The following PEBP4 variants were observed in gnomAD, a reference collection of about 807,000 sequenced individuals.
PEBP4 encodes the protein phosphatidylethanolamine-binding protein 4.
PEBP4 carries 22 observed loss-of-function variants against 23.9 expected under a neutral mutation model. The observed-to-expected ratio is 0.92, with a 90% CI of 0.66 to 1.31. PEBP4 has a LOEUF of 1.31. Ranked by LOEUF, PEBP4 falls within the 40% of genes most tolerant of loss-of-function variation. The pLI, the probability that PEBP4 is intolerant of heterozygous loss-of-function variation, is 0.00. For missense variants in PEBP4, 324 were observed against 281.7 expected, an observed-to-expected ratio of 1.15 and a Z score of -1.07; for synonymous variants, 112 against 99.3, an observed-to-expected ratio of 1.13 and a Z score of -0.76.
At chr8:22,903,598 C>T (rs557337690) in intron 3 of PEBP4, among the ~76,000 whole-genome samples, 46 of 152,310 alleles carry the variant, frequency 3.0e-4, no homozygotes, top group African/African-American at 1.1e-3. Context: ...TCCATCTGGT[C>T]CCTGGGACAA....
intron 4 of PEBP4, among the ~76,000 whole-genome samples, chr8:22,736,445 A>T (rs913808841): frequency 1.3e-5 from 2 of 151,974 alleles, no homozygotes; most frequent in Non-Finnish European, 2.9e-5. Flanking sequence ...TTTCTACAAA[A>T]TATTAAAAAA....
intron 4 of PEBP4, among the ~76,000 whole-genome samples, chr8:22,735,060 C>T (rs1563198436): frequency 6.6e-6 from 1 of 152,130 alleles, no homozygotes; most frequent in Non-Finnish European, 1.5e-5. Context: ...GTATCTAGCA[C>T]AAAGCTGCCC....
At chr8:22,717,156 T>A (rs1001865874) in intron 6 of PEBP4, among the ~76,000 whole-genome samples, 1 of 152,100 alleles carries the variant, frequency 6.6e-6, no homozygotes, top group African/African-American at 2.4e-5. Flanking sequence ...TGCCTCAGCC[T>A]CCTGAGTAGC....
intron 3 of PEBP4, among the ~76,000 whole-genome samples, chr8:22,874,772 A>G (rs1172914850): frequency 6.6e-6 from 1 of 152,228 alleles, no homozygotes; most frequent in African/African-American, 2.4e-5. Flanking sequence ...TCTGTTCTGC[A>G]TGAATAAATA....
intron 4 of PEBP4, chr8:22,757,028 G>A (rs945128010): frequency 2.0e-5 from 3 of 152,230 alleles, no homozygotes; most frequent in Admixed American, 6.5e-5. Context: ...CACAGGTGGA[G>A]GACGTTTGCA....
Position 22,883,052 on chromosome 8 carries a change from T to G in PEBP4, c.258+37132A>C, listed in dbSNP as rs145677072. The stretch of plus-strand genomic sequence containing the variant: ...CCCCCTGCCTCTAGGGATCTGTGAT[T>G]ATAAAACTTCCTCCTTCATGAGAGC... On this transcript the variant is annotated intron_variant, in intron 3 of 6. Transcript: ENST00000256404. 2.7e-3 allele frequency among the ~76,000 whole-genome samples: 406 copies of G among 152,262 alleles called. 1 individual carries two copies. The highest frequency in any genetic ancestry group is 9.0e-3 in the African/African-American group (372 of 41,560).
chr8:22,776,918 A>G (rs1318800813), intron 4 of PEBP4, among the ~76,000 whole-genome samples: 1 of 151,600 alleles, frequency 6.6e-6, no homozygotes, highest in Non-Finnish European at 1.5e-5. Context: ...GGCCTGAAGG[A>G]TGGCATTGGG....
chr8:22,896,861 TTC>T (rs897911421), intron 3 of PEBP4, among the ~76,000 whole-genome samples: 1 of 151,734 alleles, frequency 6.6e-6, no homozygotes, highest in Non-Finnish European at 1.5e-5. Context: ...ACTTGATAGT[TTC>T]TCTCTCTCTT....
chr8:22,867,834 C>T (rs983998677), intron 3 of PEBP4, among the ~76,000 whole-genome samples: 4 of 152,210 alleles, frequency 2.6e-5, no homozygotes, highest in African/African-American at 9.6e-5. Flanking sequence ...CTTGCTTGGG[C>T]AGTTGACTGG....
At chr8:22,925,865 C>T (rs1167409509) in intron 2 of PEBP4, among the ~76,000 whole-genome samples, 1 of 152,230 alleles carries the variant, frequency 6.6e-6, no homozygotes, top group Non-Finnish European at 1.5e-5. Flanking sequence ...AGCCCCTCAG[C>T]TCACTCAGCA....
At chr8:22,882,821 A>T (rs1233343064) in intron 3 of PEBP4, among the ~76,000 whole-genome samples, 6 of 152,114 alleles carry the variant, frequency 3.9e-5, no homozygotes, top group Non-Finnish European at 8.8e-5. Context: ...CCACCTGCCC[A>T]AACCACCCCA....
At chr8:22,724,592 T>A (rs749550336) in intron 6 of PEBP4, among the ~76,000 whole-genome samples, 82 of 152,188 alleles carry the variant, frequency 5.4e-4, no homozygotes, top group Non-Finnish European at 8.7e-4. Context: ...GACCCTGCCT[T>A]ACATACCAAC....
chr8:22,740,484 C>T (rs527384290), intron 4 of PEBP4, among the ~76,000 whole-genome samples: 4 of 152,322 alleles, frequency 2.6e-5, no homozygotes, highest in East Asian at 1.9e-4. Flanking sequence ...GAACCTGAGG[C>T]GACTTCTACG....
chr8:22,728,985 C>T (rs1804679644), intron 4 of PEBP4, among the ~76,000 whole-genome samples: 1 of 152,180 alleles, frequency 6.6e-6, no homozygotes, highest in South Asian at 2.1e-4. Context: ...AACATCAGGT[C>T]CCACCCATAT....
chr8:22,724,458 C>T (rs939764253), intron 6 of PEBP4, among the ~76,000 whole-genome samples: 3 of 152,228 alleles, frequency 2.0e-5, no homozygotes, highest in South Asian at 2.1e-4. Flanking sequence ...TTCCAGGGCC[C>T]TCTTGCCCAG....
At chr8:22,788,569 G>A (rs1182100643) in intron 4 of PEBP4, among the ~76,000 whole-genome samples, 1 of 152,176 alleles carries the variant, frequency 6.6e-6, no homozygotes. Flanking sequence ...GTCCCATCCT[G>A]GGCCTCGGTT....
intron 3 of PEBP4, among the ~76,000 whole-genome samples, chr8:22,918,790 C>A (rs920476812): frequency 1.3e-5 from 2 of 152,180 alleles, no homozygotes; most frequent in African/African-American, 4.8e-5. Flanking sequence ...GGCCTCTGCA[C>A]CTCCCATCCC....
intron 4 of PEBP4, among the ~76,000 whole-genome samples, chr8:22,810,504 C>T (rs770507481): frequency 2.6e-4 from 39 of 152,148 alleles, no homozygotes; most frequent in Non-Finnish European, 4.6e-4. Context: ...GTGAAAAGCC[C>T]GGGTTCCTCA....
At chr8:22,807,435 C>T (rs958012828) in intron 4 of PEBP4, among the ~76,000 whole-genome samples, 2 of 152,046 alleles carry the variant, frequency 1.3e-5, no homozygotes, top group South Asian at 2.1e-4. Context: ...CAATATGATC[C>T]TATTTAGATT....
Sources: allele counts gnomAD v4.1 joint callset (sites outside exome capture counted in the v4.1 genomes callset), GRCh38; gene constraint gnomAD v4.1.1; transcripts MANE v1.5; gene names NCBI Gene and HGNC (gene_info 2026-07-23, HGNC 2026-07-21).